Variants in HERC4 observed in about 807,000 individuals in gnomAD.
HERC4 encodes HECT and RLD domain containing E3 ubiquitin protein ligase 4.
Under a neutral mutation model 124.3 loss-of-function variants are expected in HERC4, and 28 were observed. That is an observed-to-expected ratio of 0.23 (90% CI 0.17 to 0.31). The LOEUF (loss-of-function observed/expected upper bound fraction) is 0.31, where lower values mean the gene tolerates loss of function less well. HERC4 is among the 10% of genes least tolerant of loss of function. The pLI is 1.00. For synonymous variants in HERC4, 407 were observed against 421.5 expected (o/e 0.97, Z 0.42); for missense variants, 713 against 1,229.3 (o/e 0.58, Z 6.28).
At position 67,939,580 on chromosome 10, in the gene HERC4, C is replaced by A. The variant is rs753218059; in HGVS notation, c.2571+8G>T. ...ATAATCAGGCTAACCTATGTCCTTC[C>A]ATCTTACCGTAAAATTAAGACAAAA... is the stretch of plus-strand genomic sequence containing the variant. On this transcript the variant is annotated splice_region_variant and intron_variant, in intron 21 of 24. Transcript: ENST00000373700. 1 of 1,581,856 alleles carries A rather than the reference C, an allele frequency of 6.3e-7. No homozygotes were observed. Among genetic ancestry groups the A allele is most frequent in the Non-Finnish European group, 8.7e-7 (1 of 1,155,396 alleles).
intron 20 of HERC4, 134 bp from the exon 21 acceptor site, chr10:67,939,788 T>C: frequency 2.2e-6 from 1 of 452,582 alleles, no homozygotes; most frequent in Non-Finnish European, 3.8e-6. Context: ...TGTAATTTTA[T>C]ATTTGTTTCA....
At chr10:67,959,164 T>C (rs778326091) in intron 16 of HERC4, 1 of 1,569,858 alleles carries the variant, frequency 6.4e-7, no homozygotes, top group South Asian at 1.2e-5. Flanking sequence ...AATATAACAA[T>C]AACGAGGAAA....
rs978403492 is a variant in HERC4, at chr10:67,933,205, T to C, written c.2655-425A>G. ...TGGATTCAGATCATTTGACCAACTA[T>C]AGCCTTCTTTTCCTTGGGTTCCAAG... is the stretch of plus-strand genomic sequence containing the variant. On this transcript the variant is annotated intron_variant, in intron 22 of 24. Coordinates refer to ENST00000373700, the MANE Select transcript of HERC4 (RefSeq NM_015601.4). Among the ~76,000 whole-genome samples, 4 of 152,182 alleles carry C rather than the reference T, an allele frequency of 2.6e-5. 1 individual carries two copies. The highest frequency in any genetic ancestry group is 4.1e-4 in the South Asian group (2 of 4,836).
intron 4 of HERC4, chr10:68,040,063 T>C (rs767636273): frequency 6.4e-5 from 50 of 776,310 alleles, no homozygotes; most frequent in Non-Finnish European, 7.7e-5. Context: ...GCCTGGCACC[T>C]ACTATAGTGC....
intron 15 of HERC4, among the ~76,000 whole-genome samples, chr10:67,979,958 C>T (rs568568488): frequency 1.3e-3 from 199 of 151,876 alleles, no homozygotes; most frequent in Non-Finnish European, 2.3e-3. Flanking sequence ...AAAAAAAAAC[C>T]TGTCTGAGAA....
intron 3 of HERC4, among the ~76,000 whole-genome samples, chr10:68,046,811 T>C (rs1276509533): frequency 6.6e-6 from 1 of 152,100 alleles, no homozygotes; most frequent in East Asian, 1.9e-4. Context: ...TACAAATAAT[T>C]TTTTACAAAA....
chr10:68,051,660 A>AT (rs1402612776), intron 3 of HERC4, among the ~76,000 whole-genome samples: 1 of 140,616 alleles, frequency 7.1e-6, no homozygotes, highest in East Asian at 2.2e-4. Flanking sequence ...TGCCCGGCCA[A>AT]TGTTAACACT....
chr10:67,974,715 A>G (rs1460932200), intron 15 of HERC4, among the ~76,000 whole-genome samples: 1 of 152,144 alleles, frequency 6.6e-6, no homozygotes, highest in South Asian at 2.1e-4. Flanking sequence ...TGTTTATATA[A>G]TTTTCATGTT....
chr10:68,034,958 C>T (rs1014078282), intron 5 of HERC4, among the ~76,000 whole-genome samples: 1 of 151,992 alleles, frequency 6.6e-6, no homozygotes, highest in African/African-American at 2.4e-5. Flanking sequence ...GTTTTCCCTG[C>T]CTGTCACTTT....
chr10:68,031,881 G>GAA (rs2039224308), intron 7 of HERC4, among the ~76,000 whole-genome samples: 1 of 152,030 alleles, frequency 6.6e-6, no homozygotes, highest in Non-Finnish European at 1.5e-5. Flanking sequence ...AGCCTCCGGA[G>GAA]TAGCTGGGGA....
chr10:68,032,352 A>T (rs1023819004), intron 7 of HERC4, among the ~76,000 whole-genome samples: 4 of 152,186 alleles, frequency 2.6e-5, no homozygotes, highest in African/African-American at 9.7e-5. Flanking sequence ...ATAACAGAGA[A>T]ATTCATCTCC....
intron 15 of HERC4, among the ~76,000 whole-genome samples, chr10:67,974,090 A>G (rs1175649139): frequency 2.9e-5 from 4 of 139,570 alleles, no homozygotes; most frequent in Non-Finnish European, 4.7e-5. Flanking sequence ...ACACACACAC[A>G]CACACACACA....
At chr10:68,044,327 A>G in intron 4 of HERC4, 77 bp downstream of exon 4, 2 of 1,411,186 alleles carry the variant, frequency 1.4e-6, no homozygotes, top group Non-Finnish European at 1.9e-6. Flanking sequence ...ACAGGCCCAA[A>G]GATAAGCAGA....
intron 3 of HERC4, among the ~76,000 whole-genome samples, chr10:68,062,338 C>T (rs1304508768): frequency 6.6e-6 from 1 of 152,086 alleles, no homozygotes; most frequent in Admixed American, 6.6e-5. Context: ...AATGATTCTA[C>T]CTAGGATCAT....
intron 22 of HERC4, among the ~76,000 whole-genome samples, chr10:67,935,738 T>G (rs1433345425): frequency 6.6e-6 from 1 of 152,198 alleles, no homozygotes; most frequent in African/African-American, 2.4e-5. Flanking sequence ...AATGTTAGCA[T>G]GGGAAACTAG....
chr10:68,049,061 A>G (rs2040154222), intron 3 of HERC4, among the ~76,000 whole-genome samples: 1 of 152,144 alleles, frequency 6.6e-6, no homozygotes, highest in African/African-American at 2.4e-5. Flanking sequence ...AATTTGTTCT[A>G]CAGATATACC....
At chr10:67,980,052 A>G (rs1461550217) in intron 15 of HERC4, among the ~76,000 whole-genome samples, 3 of 152,356 alleles carry the variant, frequency 2.0e-5, no homozygotes, top group South Asian at 4.1e-4. Context: ...AGAGAATGGC[A>G]TGACATTTAA....
intron 8 of HERC4, among the ~76,000 whole-genome samples, chr10:68,024,577 A>G (rs1006196392): frequency 6.6e-6 from 1 of 152,170 alleles, no homozygotes; most frequent in South Asian, 2.1e-4. Flanking sequence ...ATGATGGAGA[A>G]CCATAACTAC....
chr10:67,962,348 T>C (rs187507903), intron 16 of HERC4, among the ~76,000 whole-genome samples: 5 of 152,262 alleles, frequency 3.3e-5, no homozygotes, highest in East Asian at 1.9e-4. Context: ...TTAGTATGTA[T>C]GCATTATCTT....
Sources: gnomAD v4.1 joint callset for allele counts (sites outside exome capture counted in the v4.1 genomes callset) on GRCh38, gnomAD v4.1.1 for gene constraint, MANE v1.5 for transcripts, NCBI Gene and HGNC (gene_info 2026-07-23, HGNC 2026-07-21) for gene names.